The following PLCB1 variants were observed in gnomAD, a reference collection of about 807,000 sequenced individuals.
PLCB1 encodes phospholipase C beta 1.
In PLCB1, 46 loss-of-function variants were observed where a neutral mutation model predicts 161.8. That is an observed-to-expected ratio of 0.28 (90% confidence interval 0.22 to 0.36). The LOEUF is 0.36. Ranked by LOEUF, PLCB1 falls within the 10% of genes least tolerant of loss-of-function variation. The pLI, the probability that PLCB1 is intolerant of heterozygous loss-of-function variation, is 1.00. For synonymous variants in PLCB1, 517 were observed against 503.7 expected (o/e 1.03, Z -0.35); for missense variants, 1,016 against 1,472.5 (o/e 0.69, Z 5.07).
chr20:8,561,370 C>T (rs1986135114), intron 3 of PLCB1, among the ~76,000 whole-genome samples: 1 of 151,804 alleles, frequency 6.6e-6, no homozygotes, highest in Non-Finnish European at 1.5e-5. Flanking sequence ...TTATAGATAA[C>T]CCTAGAGCAC....
At chr20:8,585,492 C>T (rs1377149432) in intron 3 of PLCB1, among the ~76,000 whole-genome samples, 1 of 152,242 alleles carries the variant, frequency 6.6e-6, no homozygotes, top group East Asian at 1.9e-4. Flanking sequence ...ATCTACTCCA[C>T]ACACATTTCA....
In PLCB1 at chr20:8,407,883, G is replaced by A. The variant is rs189948077; in HGVS notation, c.246+36433G>A. Among the ~76,000 whole-genome samples, 8 of 151,994 alleles carry A rather than the reference G, an allele frequency of 5.3e-5. No individual in the cohort carries two copies. The East Asian group carries it at 7.7e-4, about 15-fold the overall frequency. On this transcript the variant is annotated intron_variant, in intron 3 of 31. Transcript: ENST00000338037. ...AATCATCAGACAAATCCAGATTAAGGGATATTTTGCAAAATACCTGAGCAG... is the reference window on the plus strand; with the variant it reads ...AATCATCAGACAAATCCAGATTAAGAGATATTTTGCAAAATACCTGAGCAG...
intron 2 of PLCB1, among the ~76,000 whole-genome samples, chr20:8,330,570 T>A (rs1219158957): frequency 6.6e-6 from 1 of 152,248 alleles, no homozygotes; most frequent in Non-Finnish European, 1.5e-5. Context: ...CTCTCAGTTC[T>A]TAATTCTGAT....
rs370143156 is a variant in PLCB1 at position 8,882,446 on chromosome 20, A to G, written c.*597A>G. On this transcript the variant is annotated 3_prime_UTR_variant, in exon 32 of 32. Coordinates refer to ENST00000338037, the MANE Select transcript of PLCB1 (RefSeq NM_015192.4). ...CTGACATGGTTTTATTAGATACTGT[A>G]GTGATTCAAATAAGTTTTCTATTTG... 9 of 154,156 alleles carry G rather than the reference A, an allele frequency of 5.8e-5. No individual in the cohort carries two copies. The highest frequency in any genetic ancestry group is 1.9e-4 in the East Asian group (1 of 5,190). The allele number at this position is 154,156 out of a possible 1,614,324, so 9.5% of individuals were successfully genotyped here.
chr20:8,767,281 C>G (rs1237436090), intron 26 of PLCB1, among the ~76,000 whole-genome samples: 1 of 152,146 alleles, frequency 6.6e-6, no homozygotes, highest in African/African-American at 2.4e-5. Context: ...TAACGAGCTC[C>G]TAAGGTTTGC....
chr20:8,609,719 C>T (rs1489625569), intron 3 of PLCB1, among the ~76,000 whole-genome samples: 2 of 152,102 alleles, frequency 1.3e-5, no homozygotes, highest in African/African-American at 4.8e-5. Context: ...TCATAGTTCA[C>T]TGAAATCTCA....
intron 3 of PLCB1, among the ~76,000 whole-genome samples, chr20:8,448,981 GT>G (rs1980956552): frequency 6.6e-6 from 1 of 152,160 alleles, no homozygotes. Flanking sequence ...ACTAGTGAAT[GT>G]GATACTTCAT....
At chr20:8,783,472 A>C (rs1057235199) in intron 27 of PLCB1, among the ~76,000 whole-genome samples, 1 of 152,216 alleles carries the variant, frequency 6.6e-6, no homozygotes, top group Admixed American at 6.5e-5. Context: ...CATCTTATGC[A>C]GTAAGAACTT....
chr20:8,541,562 G>GAGAAAGAAAGAA (rs11467115), intron 3 of PLCB1, among the ~76,000 whole-genome samples: 9,679 of 114,314 alleles, frequency 0.085, 603 homozygotes, highest in South Asian at 0.11. Context: ...AAGGAAGAAA[G>GAGAAAGAAAGAA]AGAAAGAAAG....
intron 3 of PLCB1, among the ~76,000 whole-genome samples, chr20:8,546,087 C>T (rs765274768): frequency 6.6e-6 from 1 of 151,892 alleles, no homozygotes; most frequent in South Asian, 2.1e-4. Flanking sequence ...GAGGCCGAGG[C>T]GGACGGATCA....
At chr20:8,321,922 C>G (rs1600313581) in intron 2 of PLCB1, among the ~76,000 whole-genome samples, 1 of 152,056 alleles carries the variant, frequency 6.6e-6, no homozygotes, top group Non-Finnish European at 1.5e-5. Flanking sequence ...TCTCTGGGTT[C>G]CACAATGTTT....
chr20:8,275,246 C>T (rs1053944825), intron 2 of PLCB1, among the ~76,000 whole-genome samples: 5 of 50,868 alleles, frequency 9.8e-5, no homozygotes, highest in African/African-American at 1.7e-4. Context: ...TTTGCATCAG[C>T]GTGAGTGTGT....
intron 31 of PLCB1, among the ~76,000 whole-genome samples, chr20:8,829,360 C>T (rs550876089): frequency 6.6e-6 from 1 of 152,186 alleles, no homozygotes; most frequent in African/African-American, 2.4e-5. Context: ...TGCCCGCTGA[C>T]CTCCCTGCAA....
intron 3 of PLCB1, among the ~76,000 whole-genome samples, chr20:8,400,295 G>T (rs1183937119): frequency 1.3e-5 from 2 of 152,090 alleles, no homozygotes; most frequent in Non-Finnish European, 2.9e-5. Context: ...AACTGTCTGA[G>T]CCTGTGTATT....
At chr20:8,347,478 G>A (rs184149166) in intron 2 of PLCB1, among the ~76,000 whole-genome samples, 6 of 152,264 alleles carry the variant, frequency 3.9e-5, no homozygotes, top group Admixed American at 6.6e-5. Context: ...ATTGGAGCTA[G>A]GTGATATGTC....
intron 1 of PLCB1, among the ~76,000 whole-genome samples, chr20:8,147,736 C>T (rs998269196): frequency 3.3e-5 from 5 of 151,720 alleles, no homozygotes; most frequent in South Asian, 2.1e-4. Flanking sequence ...GAACTGTGGC[C>T]GGAAGAGTGG....
intron 3 of PLCB1, among the ~76,000 whole-genome samples, chr20:8,410,975 G>A (rs1568665689): frequency 1.3e-5 from 2 of 152,234 alleles, no homozygotes; most frequent in South Asian, 2.1e-4. Context: ...ATCTCCCGTA[G>A]CAGCGTGACA....
chr20:8,457,652 G>T (rs915231942), intron 3 of PLCB1, among the ~76,000 whole-genome samples: 12 of 151,820 alleles, frequency 7.9e-5, no homozygotes. Context: ...GTAATGAACT[G>T]CATGATATTC....
intron 2 of PLCB1, among the ~76,000 whole-genome samples, chr20:8,275,792 G>A (rs901420982): frequency 6.6e-6 from 1 of 152,172 alleles, no homozygotes; most frequent in African/African-American, 2.4e-5. Context: ...TGGGGGAGCT[G>A]TCTAGAGGGT....
Sources: gnomAD v4.1 joint callset for allele counts (sites outside exome capture counted in the v4.1 genomes callset) on GRCh38, gnomAD v4.1.1 for gene constraint, MANE v1.5 for transcripts, NCBI Gene and HGNC (gene_info 2026-07-23, HGNC 2026-07-21) for gene names.